PTDSS1: variants seen among roughly 807,000 people sequenced by gnomAD.
The protein encoded by PTDSS1 is phosphatidylserine synthase 1.
Under a neutral mutation model 70.5 loss-of-function variants are expected in PTDSS1, and 45 were observed. The ratio of observed to expected loss-of-function variants is 0.64; its 90% confidence interval spans 0.50 to 0.82. PTDSS1 has a LOEUF of 0.82. Among genes scored for constraint, PTDSS1 ranks in the 40% least tolerant of loss-of-function variants. PTDSS1 has a pLI of 0.00. For synonymous variants in PTDSS1, 188 were observed against 203.8 expected (o/e 0.92, Z 0.66); for missense variants, 417 against 586.1 (o/e 0.71, Z 2.98).
chr8:96,295,325 T>G, intron 5 of PTDSS1, 69 bp downstream of exon 5: 1 of 1,453,890 alleles, frequency 6.9e-7, no homozygotes, highest in East Asian at 2.5e-5. Context: ...GGAAAAAGTA[T>G]GTCAGTTAAC....
intron 4 of PTDSS1, among the ~76,000 whole-genome samples, chr8:96,292,066 G>A (rs1810915009): frequency 6.6e-6 from 1 of 152,002 alleles, no homozygotes; most frequent in Non-Finnish European, 1.5e-5. Flanking sequence ...AGATCATAAG[G>A]TCAGGAGTTT....
intron 4 of PTDSS1, among the ~76,000 whole-genome samples, chr8:96,292,225 G>T (rs567990380): frequency 2.0e-5 from 3 of 150,686 alleles, no homozygotes; most frequent in African/African-American, 7.3e-5. Context: ...ATTTGAACCC[G>T]GGAGGCGGAG....
intron 4 of PTDSS1, among the ~76,000 whole-genome samples, chr8:96,292,473 G>A (rs1183994468): frequency 6.6e-6 from 1 of 151,862 alleles, no homozygotes; most frequent in Non-Finnish European, 1.5e-5. Flanking sequence ...GGGGGTGTGG[G>A]GAGCTGGGAC....
chr8:96,334,617 CTG>C lies in PTDSS1; in HGVS notation c.*1055_*1056del, dbSNP rs1342300415. 1 of 152,550 alleles carries C rather than the reference CTG, an allele frequency of 6.6e-6. No homozygotes were observed. Among genetic ancestry groups the C allele is most frequent in the African/African-American group, 2.4e-5 (1 of 41,412 alleles). The allele number at this position is 152,550 out of a possible 1,614,324, so 9.4% of individuals were successfully genotyped here. Reference sequence around the variant, plus strand: ...GTATCTTCTATTGATTGTAAGCAGTCTGTGTTTTTCAAGTGACTTTAGGATAA... The same window carrying C: ...GTATCTTCTATTGATTGTAAGCAGTCTGTTTTTCAAGTGACTTTAGGATAA... On this transcript the variant is annotated 3_prime_UTR_variant, in exon 13 of 13. Transcript: ENST00000517309.
Position 96,262,285 on chromosome 8 carries a change from C to CGGGTAGGGGGGGGTGGGTGGGGGGGG in PTDSS1, c.179+69_179+70insTAGGGGGGGGTGGGTGGGGGGGGGGG. ...AGGGAAGAGGCGGGAGGGAGGGTGGCGGGGAGGGGGGCCCGGCATGGCTCT... is the reference window on the plus strand; with the variant it reads ...AGGGAAGAGGCGGGAGGGAGGGTGGCGGGTAGGGGGGGGTGGGTGGGGGGGGGGGGAGGGGGGCCCGGCATGGCTCT... On this transcript the variant is annotated intron_variant, in intron 1 of 12. Transcript: ENST00000517309. The surrounding 1 kb of genome is among the most constrained non-coding windows in gnomAD (Gnocchi z 4.4). The CGGGTAGGGGGGGGTGGGTGGGGGGGG allele has an allele frequency of 3.4e-6, 1 of 297,722 alleles. No individual in the cohort carries two copies. Among genetic ancestry groups the CGGGTAGGGGGGGGTGGGTGGGGGGGG allele is most frequent in the Non-Finnish European group, 6.6e-6 (1 of 150,480 alleles). 18.4% of individuals were successfully genotyped at this position (297,722 alleles called of 1,614,324 possible). A position where few individuals can be genotyped will look rare whatever the true frequency, so the allele number is the denominator to read the frequency against.
At chr8:96,287,277 G>C (rs1810837756) in intron 4 of PTDSS1, 131 bp downstream of exon 4, 3 of 1,297,792 alleles carry the variant, frequency 2.3e-6, no homozygotes, top group Non-Finnish European at 3.2e-6. Flanking sequence ...CCAGGTCTCT[G>C]GGAGGGTTGT....
chr8:96,281,943 C>T (rs1810744219), intron 2 of PTDSS1, among the ~76,000 whole-genome samples: 1 of 152,200 alleles, frequency 6.6e-6, no homozygotes, highest in African/African-American at 2.4e-5. Context: ...TCTCATTCCA[C>T]AGCCTGGTGC....
chr8:96,265,327 C>G (rs1338336923), intron 1 of PTDSS1, among the ~76,000 whole-genome samples: 1 of 152,168 alleles, frequency 6.6e-6, no homozygotes, highest in Admixed American at 6.5e-5. Flanking sequence ...CTGTCACATG[C>G]TTCAGAGATC....
chr8:96,291,180 C>CT (rs1270778645), intron 4 of PTDSS1, among the ~76,000 whole-genome samples: 7 of 152,006 alleles, frequency 4.6e-5, no homozygotes, highest in African/African-American at 1.7e-4. Flanking sequence ...GGCATGTTCC[C>CT]TGTCCTCTTA....
Position 96,297,375 on chromosome 8 carries a change from G to A in PTDSS1, c.600+2119G>A, listed in dbSNP as rs1303887282. Among the ~76,000 whole-genome samples the A allele has an allele frequency of 3.3e-5, 5 of 152,072 alleles. 1 individual carries two copies. The highest frequency in any genetic ancestry group is 1.2e-4 in the African/African-American group (5 of 41,464). On this transcript the variant is annotated intron_variant, in intron 5 of 12. Coordinates refer to ENST00000517309, the MANE Select transcript of PTDSS1 (RefSeq NM_014754.3). ...TTATTTTTAGTAGAGATGGGGTTTC[G>A]CCATGTTGGCCAGGCTGGTCTCTAA...
chr8:96,276,649 C>T (rs1407366007), intron 2 of PTDSS1, among the ~76,000 whole-genome samples: 1 of 152,180 alleles, frequency 6.6e-6, no homozygotes, highest in Non-Finnish European at 1.5e-5. Context: ...CTGGTCATAT[C>T]TCATATTAGG....
At chr8:96,279,664 C>G (rs977278086) in intron 2 of PTDSS1, among the ~76,000 whole-genome samples, 4 of 151,794 alleles carry the variant, frequency 2.6e-5, no homozygotes, top group African/African-American at 7.2e-5. Flanking sequence ...ACTGAAAATA[C>G]AAAAATTAGC....
chr8:96,331,326 G>A (rs1347696397), intron 12 of PTDSS1, among the ~76,000 whole-genome samples: 3 of 151,918 alleles, frequency 2.0e-5, no homozygotes, highest in East Asian at 2.0e-4. Flanking sequence ...TCAGGAGTTC[G>A]AGACCAGCCT....
chr8:96,286,350 A>C (rs1563567772), intron 3 of PTDSS1, among the ~76,000 whole-genome samples: 1 of 152,226 alleles, frequency 6.6e-6, no homozygotes, highest in Non-Finnish European at 1.5e-5. Context: ...TTAAAATGAC[A>C]CATAGTGATT....
At position 96,262,154 on chromosome 8, in the gene PTDSS1, C is replaced by T. The variant is rs781290493; in HGVS notation, c.114C>T (p.Tyr38=). The change falls in exon 1 of 13, where the codon TAC becomes TAT. Residue 38 remains tyrosine, a synonymous_variant. Transcript: ENST00000517309. This position sits in a 1 kb window ranked among gnomAD's most constrained non-coding sequence, Gnocchi z 4.4. ...AGGACATCACCATTGACTTCTTCTA[C>T]CGGCCGCATACCATCACCCTGCTCA... The part of the protein sequence containing the change: ...QVEDITIDFF[Y]RPHTITLLSF... The T allele has an allele frequency of 4.3e-6, 7 of 1,613,868 alleles. No homozygotes were observed. The South Asian group carries it at 6.6e-5, about 15-fold the overall frequency.
intron 4 of PTDSS1, among the ~76,000 whole-genome samples, chr8:96,292,933 G>A (rs922845209): frequency 1.3e-5 from 2 of 152,164 alleles, no homozygotes; most frequent in Non-Finnish European, 2.9e-5. Context: ...AAAAGAGGTT[G>A]GATCTCTTTC....
chr8:96,289,026 C>T (rs1191311747), intron 4 of PTDSS1, among the ~76,000 whole-genome samples: 1 of 152,018 alleles, frequency 6.6e-6, no homozygotes, highest in Non-Finnish European at 1.5e-5. Flanking sequence ...CCTCCACCTC[C>T]CTGGTTCAAG....
chr8:96,330,274 G>T lies in PTDSS1; in HGVS notation c.1235G>T (p.Arg412Leu). The change falls in exon 11 of 13, where the codon CGA (arginine) becomes CTA (leucine). Residue 412 changes from arginine to leucine, a missense_variant. Transcript: ENST00000517309. ...TGGTATGCAGAACACTATGGTCACC[G>T]AGAAAAGGTATGGAAGGAGAGGCAG... ...MIWYAEHYGH[R>L]EKTYSECEDG... 6 of 1,610,196 alleles carry T rather than the reference G, an allele frequency of 3.7e-6. No homozygotes were observed. The highest frequency in any genetic ancestry group is 5.1e-6 in the Non-Finnish European group (6 of 1,177,474).
At chr8:96,311,160 G>T (rs1179262780) in intron 9 of PTDSS1, among the ~76,000 whole-genome samples, 1 of 152,150 alleles carries the variant, frequency 6.6e-6, no homozygotes, top group African/African-American at 2.4e-5. Flanking sequence ...AGACCCTCTT[G>T]AATATCTCAA....
Sources: allele counts gnomAD v4.1 joint callset (sites outside exome capture counted in the v4.1 genomes callset), GRCh38; gene constraint gnomAD v4.1.1; non-coding constraint Gnocchi (gnomAD v3.1); transcripts MANE v1.5; gene names NCBI Gene and HGNC (gene_info 2026-07-23, HGNC 2026-07-21).